Variants in DNHD1 observed in about 807,000 individuals in gnomAD.
DNHD1 encodes dynein heavy chain domain-containing protein 1.
In DNHD1, 383 loss-of-function variants were observed where a neutral mutation model predicts 458.1. The ratio of observed to expected loss-of-function variants is 0.84; its 90% CI spans 0.77 to 0.91. The LOEUF is 0.91. Ranked by LOEUF, DNHD1 falls within the 40% of genes least tolerant of loss-of-function variation. DNHD1 has a pLI of 0.00. For missense variants in DNHD1, 5,336 were observed against 5,866.1 expected, an observed-to-expected ratio of 0.91 and a Z score of 2.95; for synonymous variants, 2,203 against 2,376.9, an observed-to-expected ratio of 0.93 and a Z score of 2.13.
At chr11:6,556,225 C>T (rs1853458481) in intron 24 of DNHD1, among the ~76,000 whole-genome samples, 1 of 152,176 alleles carries the variant, frequency 6.6e-6, no homozygotes, top group South Asian at 2.1e-4. Context: ...ATCTTTCCAT[C>T]TCAGCCTCCA....
chr11:6,510,164 A>ACCT (rs902761561), intron 6 of DNHD1, among the ~76,000 whole-genome samples: 6 of 151,474 alleles, frequency 4.0e-5, no homozygotes, highest in African/African-American at 1.5e-4. Context: ...GCTCACTGCA[A>ACCT]CCTCCTCCTC....
chr11:6,559,902 T>C (rs767255785), intron 28 of DNHD1, among the ~76,000 whole-genome samples: 1 of 152,216 alleles, frequency 6.6e-6, no homozygotes, highest in Non-Finnish European at 1.5e-5. Flanking sequence ...TGCTCTACAA[T>C]GTTTTTGAGC....
At chr11:6,549,135 G>A (rs1482327051) in intron 24 of DNHD1, 1 of 620,578 alleles carries the variant, frequency 1.6e-6, no homozygotes, top group Non-Finnish European at 2.8e-6. Flanking sequence ...CTAAATCTCT[G>A]TGTCCAATCT....
intron 24 of DNHD1, among the ~76,000 whole-genome samples, chr11:6,553,750 T>A (rs377656579): frequency 1.3e-5 from 2 of 152,170 alleles, no homozygotes; most frequent in Non-Finnish European, 2.9e-5. Flanking sequence ...TTAAAAGTCA[T>A]TTAAAAGCAT....
At position 6,508,877 on chromosome 11, in the gene DNHD1, A is replaced by C. The variant is rs764920159; in HGVS notation, c.921-3A>C. 17 of 1,613,632 alleles carry C rather than the reference A, an allele frequency of 1.1e-5. No homozygotes were observed. Among genetic ancestry groups the C allele is most frequent in the Non-Finnish European group, 1.2e-5 (14 of 1,179,960 alleles). ...TTCACTGATCAGAGCTCTTTTTTTA[A>C]AGGCCTTACAGCCTGATGGTGGTGC... On this transcript the variant is annotated splice_polypyrimidine_tract_variant and splice_region_variant and intron_variant, in intron 4 of 42. Coordinates refer to ENST00000254579, the MANE Select transcript of DNHD1 (RefSeq NM_144666.3).
chr11:6,505,577 C>A lies in DNHD1; in HGVS notation c.920+2651C>A, dbSNP rs1168393573. On this transcript the variant is annotated intron_variant, in intron 4 of 42. Coordinates refer to ENST00000254579, the MANE Select transcript of DNHD1 (RefSeq NM_144666.3). This position sits in a 1 kb window ranked among gnomAD's most constrained non-coding sequence, Gnocchi z 4.4. ...CTCGACATCTTTTTAAAAACACATTCTCTTTATTAAATTCACTTTGTTGAA... is the reference window on the plus strand; with the variant it reads ...CTCGACATCTTTTTAAAAACACATTATCTTTATTAAATTCACTTTGTTGAA... Among the ~76,000 whole-genome samples, 2 of 152,112 alleles carry A rather than the reference C, an allele frequency of 1.3e-5. No individual in the cohort carries two copies. The highest frequency in any genetic ancestry group is 2.9e-5 in the Non-Finnish European group (2 of 68,022).
chr11:6,516,139 T>A (rs1218134315), intron 7 of DNHD1, among the ~76,000 whole-genome samples: 1 of 152,094 alleles, frequency 6.6e-6, no homozygotes, highest in Non-Finnish European at 1.5e-5. Flanking sequence ...GAGAGGTATA[T>A]GTTAAATATC....
At chr11:6,520,883 T>C (rs911743025) in intron 10 of DNHD1, 1 of 982,914 alleles carries the variant, frequency 1.0e-6, no homozygotes. Flanking sequence ...GACTCGTCCA[T>C]ACTTTTTAAT....
chr11:6,501,888 A>G (rs536809221), intron 3 of DNHD1, among the ~76,000 whole-genome samples: 1 of 152,362 alleles, frequency 6.6e-6, no homozygotes, highest in East Asian at 1.9e-4. Flanking sequence ...CAGTTCATCA[A>G]GGACATATGT....
rs555751806 is a variant in DNHD1, at chr11:6,556,599, G to A, written c.7388-84G>A. On this transcript the variant is annotated intron_variant, in intron 24 of 42. Coordinates refer to ENST00000254579, the MANE Select transcript of DNHD1 (RefSeq NM_144666.3). ...AGATTCACAAAATTCCTTTAGAACC[G>A]TGTGTGGCAGGAATAGAGGGAACAG... The A allele has an allele frequency of 8.5e-4, 1,129 of 1,327,290 alleles. 16 individuals are homozygous for A. In the South Asian group the frequency reaches 0.016, roughly 19 times the overall value. The allele number at this position is 1,327,290 out of a possible 1,614,324, so 82.2% of individuals were successfully genotyped here. A position where few individuals can be genotyped will look rare whatever the true frequency, so the allele number is the denominator to read the frequency against.
chr11:6,553,108 T>G (rs186286166), intron 24 of DNHD1, among the ~76,000 whole-genome samples: 1 of 152,310 alleles, frequency 6.6e-6, no homozygotes, highest in Admixed American at 6.5e-5. Flanking sequence ...AAATAAATCC[T>G]CACTGAAATA....
At chr11:6,510,025 C>T (rs1852304533) in intron 6 of DNHD1, among the ~76,000 whole-genome samples, 1 of 152,112 alleles carries the variant, frequency 6.6e-6, no homozygotes, top group African/African-American at 2.4e-5. Flanking sequence ...CCTAGAAATC[C>T]ACATTTTGTT....
intron 7 of DNHD1, among the ~76,000 whole-genome samples, chr11:6,512,244 G>A (rs56193835): frequency 0.32 from 36,042 of 112,516 alleles, 5,824 homozygotes; most frequent in Admixed American, 0.41. Context: ...TTTTTGAGAC[G>A]GAGTCTCGCT....
chr11:6,568,160 G>A lies in DNHD1; in HGVS notation c.12456G>A (p.Leu4152=), dbSNP rs1853754051. 1 of 1,555,434 alleles carries A rather than the reference G, an allele frequency of 6.4e-7. No individual in the cohort carries two copies. The highest frequency in any genetic ancestry group is 8.7e-7 in the Non-Finnish European group (1 of 1,148,872). Residue 4152 remains leucine, a synonymous_variant, in exon 37 of 43, where the codon CTG becomes CTA. Transcript: ENST00000254579. Reference sequence around the variant, plus strand: ...AGGCTATGTATGAGGGGCACTGGCTGGTGCTGGACAACTGTCATCTGATGC... The same window carrying A: ...AGGCTATGTATGAGGGGCACTGGCTAGTGCTGGACAACTGTCATCTGATGC... The part of the protein sequence containing the change: ...LSQAMYEGHW[L]VLDNCHLMPH...
chr11:6,537,351 C>CTCAT (rs1044277561), intron 14 of DNHD1, among the ~76,000 whole-genome samples: 29 of 152,142 alleles, frequency 1.9e-4, no homozygotes, highest in Non-Finnish European at 1.6e-4. Flanking sequence ...AGTTCATTCG[C>CTCAT]TCATTCATTC....
chr11:6,558,998 T>G lies in DNHD1; in HGVS notation c.9308T>G (p.Leu3103Arg), dbSNP rs1853528087. Residue 3103 changes from leucine to arginine, a missense_variant, in exon 27 of 43, where the codon CTG (leucine) becomes CGG (arginine). Coordinates refer to ENST00000254579, the MANE Select transcript of DNHD1 (RefSeq NM_144666.3). ...TCGGCCACCCACTACCATGAGCACC[T>G]GTGCCCTGCATTGCCACTCGTCACC... ...HLSATHYHEH[L>R]CPALPLVTPK... is the part of the protein sequence containing the mutation. 4 of 1,551,752 alleles carry G rather than the reference T, an allele frequency of 2.6e-6. No individual in the cohort carries two copies. In the East Asian group the frequency reaches 9.8e-5, roughly 38 times the overall value.
At chr11:6,499,535 C>A (rs1244247714) in intron 3 of DNHD1, among the ~76,000 whole-genome samples, 2 of 152,044 alleles carry the variant, frequency 1.3e-5, no homozygotes. Context: ...ACTCTGGCCC[C>A]TTGAGTGATA....
At chr11:6,514,955 C>T (rs560262540) in intron 7 of DNHD1, among the ~76,000 whole-genome samples, 170 of 152,256 alleles carry the variant, frequency 1.1e-3, no homozygotes, top group Non-Finnish European at 2.0e-3. Flanking sequence ...GAATATGAGA[C>T]AGAGAGAGGA....
At position 6,566,528 on chromosome 11, in the gene DNHD1, A is replaced by G. The variant is rs770730565; in HGVS notation, c.11207-59A>G. On this transcript the variant is annotated intron_variant, in intron 34 of 42. Transcript: ENST00000254579. Reference sequence around the variant, plus strand: ...TAGCAGGGAGCCATACTCCCTGTCTACTCTACCCCCTGGCTCTGCCAAGGG... The same window carrying G: ...TAGCAGGGAGCCATACTCCCTGTCTGCTCTACCCCCTGGCTCTGCCAAGGG... 4.4e-6 allele frequency: 7 copies of G among 1,590,304 alleles called. No homozygotes were observed. In the South Asian group the frequency reaches 5.7e-5, roughly 13 times the overall value.
Sources: gnomAD v4.1 joint callset for allele counts (sites outside exome capture counted in the v4.1 genomes callset) on GRCh38, gnomAD v4.1.1 for gene constraint, Gnocchi (gnomAD v3.1) non-coding constraint, MANE v1.5 for transcripts, NCBI Gene and HGNC (gene_info 2026-07-23, HGNC 2026-07-21) for gene names.